ADGRG7: variants seen among roughly 807,000 people sequenced by gnomAD.
ADGRG7 encodes G-protein coupled receptor 128.
ADGRG7 carries 82 observed loss-of-function variants against 88.6 expected under a neutral mutation model. The observed-to-expected ratio is 0.93, with a 90% CI of 0.77 to 1.11. The LOEUF (loss-of-function observed/expected upper bound fraction) is 1.11. Ranked by LOEUF, ADGRG7 falls within the 50% of genes most tolerant of loss-of-function variation. The pLI is 0.00. For synonymous variants in ADGRG7, 381 were observed against 345.2 expected (o/e 1.10, Z -1.15); for missense variants, 945 against 953.4 (o/e 0.99, Z 0.12).
chr3:100,629,514 G>A (rs563972148), intron 1 of ADGRG7, 84 bp from the exon 2 acceptor site: 53 of 815,186 alleles, frequency 6.5e-5, no homozygotes, highest in East Asian at 3.6e-4. Context: ...GTGGTTTTAC[G>A]TGTAGAAATT....
chr3:100,642,670 T>G (rs951328444), intron 6 of ADGRG7, among the ~76,000 whole-genome samples: 5 of 152,144 alleles, frequency 3.3e-5, no homozygotes, highest in Admixed American at 3.3e-4. Context: ...TTGCCCCCAC[T>G]CCCTCCCACC....
intron 11 of ADGRG7, among the ~76,000 whole-genome samples, chr3:100,653,074 T>A (rs1305426495): frequency 6.6e-6 from 1 of 152,184 alleles, no homozygotes; most frequent in Admixed American, 6.5e-5. Flanking sequence ...CCTTGAAACA[T>A]TAGTCCAAGG....
chr3:100,616,293 C>G (rs1707223926), intron 1 of ADGRG7, among the ~76,000 whole-genome samples: 1 of 151,938 alleles, frequency 6.6e-6, no homozygotes, highest in Non-Finnish European at 1.5e-5. Context: ...CAGATGTCAT[C>G]AAAAGGATTA....
rs1263606429 is a variant in ADGRG7 at position 100,620,177 on chromosome 3, G to A, written c.116-9421G>A. Among the ~76,000 whole-genome samples, 3 of 152,152 alleles carry A rather than the reference G, an allele frequency of 2.0e-5. No individual in the cohort carries two copies. The East Asian group carries it at 5.8e-4, about 29-fold the overall frequency. ...ATCCTCAGTAGAATACTGGCAAACC[G>A]AATCCAGCAGCACATCAAAAAGCTT... On this transcript the variant is annotated intron_variant, in intron 1 of 15. Coordinates refer to ENST00000273352, the MANE Select transcript of ADGRG7 (RefSeq NM_032787.3).
chr3:100,622,323 A>G (rs1438419131), intron 1 of ADGRG7, among the ~76,000 whole-genome samples: 1 of 139,588 alleles, frequency 7.2e-6, no homozygotes, highest in Non-Finnish European at 1.5e-5. Context: ...ATATTTGTTG[A>G]AAAGACTATC....
intron 14 of ADGRG7, among the ~76,000 whole-genome samples, chr3:100,664,156 A>T (rs990130087): frequency 6.6e-6 from 1 of 152,054 alleles, no homozygotes; most frequent in East Asian, 1.9e-4. Flanking sequence ...TTTTATTTGG[A>T]CTCTTTAAAA....
intron 3 of ADGRG7, 36 bp downstream of exon 3, chr3:100,630,845 G>T: frequency 8.0e-6 from 9 of 1,131,762 alleles, no homozygotes; most frequent in African/African-American, 1.6e-5. Context: ...CTATGCATAA[G>T]AATTACTATG....
At chr3:100,617,764 G>T (rs2149011846) in intron 1 of ADGRG7, among the ~76,000 whole-genome samples, 1 of 152,210 alleles carries the variant, frequency 6.6e-6, no homozygotes, top group South Asian at 2.1e-4. Flanking sequence ...GGTATTTCTA[G>T]TTCTAGATCC....
intron 1 of ADGRG7, among the ~76,000 whole-genome samples, chr3:100,627,056 T>G (rs924735380): frequency 6.6e-6 from 1 of 152,188 alleles, no homozygotes; most frequent in Non-Finnish European, 1.5e-5. Context: ...ATTTTACACT[T>G]TTGTTTCTTT....
intron 15 of ADGRG7, among the ~76,000 whole-genome samples, chr3:100,673,901 C>T (rs180965885): frequency 1.1e-3 from 163 of 152,274 alleles, no homozygotes; most frequent in African/African-American, 3.6e-3. Context: ...TTCTTGTCTT[C>T]TGCTAGCTTT....
At chr3:100,659,533 G>T (rs2094942340) in intron 13 of ADGRG7, among the ~76,000 whole-genome samples, 155 bp from the exon 14 acceptor site, 1 of 148,686 alleles carries the variant, frequency 6.7e-6, no homozygotes, top group Admixed American at 6.7e-5. Flanking sequence ...TAGAATTCTT[G>T]AAAGTCATAA....
chr3:100,630,826 A>G lies in ADGRG7; in HGVS notation c.334+17A>G. 2 of 1,322,634 alleles carry G rather than the reference A, an allele frequency of 1.5e-6. No homozygotes were observed. Among genetic ancestry groups the G allele is most frequent in the East Asian group, 2.7e-5 (1 of 36,812 alleles). 81.9% of individuals were successfully genotyped at this position (1,322,634 alleles called of 1,614,324 possible). On this transcript the variant is annotated intron_variant, in intron 3 of 15. Transcript: ENST00000273352. ...CTCCAAATGGTATGTGTTTTCCCAAACATTTACTCTATGCATAAGAATTAC... is the reference window on the plus strand; with the variant it reads ...CTCCAAATGGTATGTGTTTTCCCAAGCATTTACTCTATGCATAAGAATTAC...
At chr3:100,680,929 TTC>T (rs2094972607) in intron 15 of ADGRG7, among the ~76,000 whole-genome samples, 2 of 152,326 alleles carry the variant, frequency 1.3e-5, no homozygotes, top group South Asian at 4.1e-4. Context: ...AAATCTGAAC[TTC>T]ATGAAGTGTT....
At chr3:100,626,844 T>C (rs2149015653) in intron 1 of ADGRG7, among the ~76,000 whole-genome samples, 1 of 152,352 alleles carries the variant, frequency 6.6e-6, no homozygotes, top group South Asian at 2.1e-4. Flanking sequence ...TAGATTTATT[T>C]CCAAGAATTT....
rs1422684571 is a variant in ADGRG7, at chr3:100,643,689, TA to T, written c.946+58del. 2.7e-6 allele frequency: 3 copies of T among 1,116,574 alleles called. No homozygotes were observed. In the Admixed American group the frequency reaches 5.6e-5, roughly 21 times the overall value. The allele number at this position is 1,116,574 out of a possible 1,614,324, so 69.2% of individuals were successfully genotyped here. Reference sequence around the variant, plus strand: ...AATGGACTCGAATTCATGGAACTAATAACTTCTAATTTACTCTAGGAGAAAT... The same window carrying T: ...AATGGACTCGAATTCATGGAACTAATACTTCTAATTTACTCTAGGAGAAAT... On this transcript the variant is annotated intron_variant, in intron 8 of 15. Coordinates refer to ENST00000273352, the MANE Select transcript of ADGRG7 (RefSeq NM_032787.3).
At chr3:100,669,463 G>A (rs2094955674) in intron 15 of ADGRG7, among the ~76,000 whole-genome samples, 1 of 148,210 alleles carries the variant, frequency 6.7e-6, no homozygotes, top group Admixed American at 6.9e-5. Context: ...GAACCCGGGA[G>A]GCGGAGCTTG....
In ADGRG7 at chr3:100,654,844, A is replaced by G. The variant is rs779254106; in HGVS notation, c.1389A>G (p.Arg463=). Residue 463 remains arginine (R), a synonymous_variant, in exon 12 of 16, where the codon AGA becomes AGG. Transcript: ENST00000273352. ...VIFQIVTRKV[R]KTSVTWVLVN... ...ATTTACTTATTTTCAGGAAAGTCAGAAAAACCTCAGTAACCTGGGTTTTGG... is the reference window on the plus strand; with the variant it reads ...ATTTACTTATTTTCAGGAAAGTCAGGAAAACCTCAGTAACCTGGGTTTTGG... 6.4e-7 allele frequency: 1 copy of G among 1,551,196 alleles called. No individual in the cohort carries two copies. Among genetic ancestry groups the G allele is most frequent in the East Asian group, 2.3e-5 (1 of 44,002 alleles).
intron 13 of ADGRG7, among the ~76,000 whole-genome samples, chr3:100,658,724 T>C (rs1277214963): frequency 6.6e-5 from 10 of 152,190 alleles, no homozygotes; most frequent in African/African-American, 2.4e-4. Flanking sequence ...CACACACATA[T>C]ACACGGTAAT....
intron 1 of ADGRG7, among the ~76,000 whole-genome samples, chr3:100,614,474 C>A (rs1707198138): frequency 6.6e-6 from 1 of 152,110 alleles, no homozygotes; most frequent in Non-Finnish European, 1.5e-5. Context: ...CAAAGTTTAC[C>A]TTAAATAAAG....
Sources: allele counts gnomAD v4.1 joint callset (sites outside exome capture counted in the v4.1 genomes callset), GRCh38; gene constraint gnomAD v4.1.1; transcripts MANE v1.5; gene names NCBI Gene and HGNC (gene_info 2026-07-23, HGNC 2026-07-21).